Variants in RAB5IF observed in about 807,000 individuals in gnomAD.
RAB5IF encodes the protein GEL complex subunit OPTI.
RAB5IF carries 15 observed loss-of-function variants against 20.3 expected under a neutral mutation model. That is an observed-to-expected ratio of 0.74 (90% CI 0.50 to 1.14). RAB5IF has a LOEUF of 1.14. RAB5IF is among the 50% of genes most tolerant of loss of function. RAB5IF has a pLI of 0.00. For missense variants in RAB5IF, 148 were observed against 159.5 expected (o/e 0.93, Z 0.39); for synonymous variants, 67 against 63.7 (o/e 1.05, Z -0.25).
intron 3 of RAB5IF, 135 bp from the exon 4 acceptor site, chr20:36,611,875 C>T (rs1398982427): frequency 9.7e-6 from 11 of 1,136,208 alleles, no homozygotes; most frequent in Middle Eastern, 2.8e-4. Flanking sequence ...ATAATTTAGA[C>T]CCCCCAAGCA....
intron 2 of RAB5IF, among the ~76,000 whole-genome samples, chr20:36,609,139 G>C (rs930816611): frequency 1.5e-5 from 2 of 132,664 alleles, no homozygotes; most frequent in Non-Finnish European, 3.2e-5. Flanking sequence ...ACTTCAAGGG[G>C]CTTTGGAGAA....
chr20:36,607,601 T>G (rs1038223319), intron 1 of RAB5IF, 114 bp from the exon 2 acceptor site: 1 of 1,256,430 alleles, frequency 8.0e-7, no homozygotes, highest in Non-Finnish European at 1.1e-6. Flanking sequence ...CTGTTGCCTT[T>G]GGGGGGAAAC....
chr20:36,612,475 G>T lies in RAB5IF; in HGVS notation c.*424G>T. The T allele has an allele frequency of 1.8e-6, 1 of 548,934 alleles. No individual in the cohort carries two copies. Among genetic ancestry groups the T allele is most frequent in the East Asian group, 3.2e-5 (1 of 31,314 alleles). The allele number at this position is 548,934 out of a possible 1,614,324, so 34.0% of individuals were successfully genotyped here. A position where few individuals can be genotyped will look rare whatever the true frequency, so the allele number is the denominator to read the frequency against. The stretch of plus-strand genomic sequence containing the variant: ...CATGGCTGTATGTGCGTGGTCCATA[G>T]CACAGTACATGCAGCATCTAATAAG... On this transcript the variant is annotated 3_prime_UTR_variant, in exon 4 of 4. Coordinates refer to ENST00000344795, the MANE Select transcript of RAB5IF (RefSeq NM_018840.5).
chr20:36,612,553 G>T lies in RAB5IF; in HGVS notation c.*502G>T, dbSNP rs1039570243. On this transcript the variant is annotated 3_prime_UTR_variant, in exon 4 of 4. Coordinates refer to ENST00000344795, the MANE Select transcript of RAB5IF (RefSeq NM_018840.5). ...ACTTGAATAAATCAAATCTTTAATT[G>T]AGAACCTGTTGATGATACCTGATAA... 5.8e-6 allele frequency: 2 copies of T among 343,786 alleles called. No homozygotes were observed. The highest frequency in any genetic ancestry group is 4.2e-5 in the African/African-American group (2 of 47,498). The allele number at this position is 343,786 out of a possible 1,614,324, so 21.3% of individuals were successfully genotyped here.
chr20:36,605,911 C>A lies in RAB5IF; in HGVS notation c.-41C>A. On this transcript the variant is annotated 5_prime_UTR_variant, in exon 1 of 4. Coordinates refer to ENST00000344795, the MANE Select transcript of RAB5IF (RefSeq NM_018840.5). The stretch of plus-strand genomic sequence containing the variant: ...TAGACCCCGACTCCCTTTGGCTCAG[C>A]CCGCGCGCCCCAGGCCCGGCCCGGG... The A allele has an allele frequency of 7.7e-7, 1 of 1,296,680 alleles. No homozygotes were observed. Among genetic ancestry groups the A allele is most frequent in the Non-Finnish European group, 1.0e-6 (1 of 985,298 alleles). 80.3% of individuals were successfully genotyped at this position (1,296,680 alleles called of 1,614,324 possible).
intron 3 of RAB5IF, 75 bp downstream of exon 3, chr20:36,609,805 G>C: frequency 7.4e-6 from 12 of 1,613,358 alleles, no homozygotes; most frequent in Non-Finnish European, 9.3e-6. Context: ...GGACCCCACT[G>C]ATTGAGTTAC....
intron 2 of RAB5IF, among the ~76,000 whole-genome samples, chr20:36,609,162 C>CATACATAG (rs1354660617): frequency 8.9e-5 from 1 of 11,192 alleles, no homozygotes; most frequent in Admixed American, 1.0e-3. Context: ...ATATTACACA[C>CATACATAG]ACACACACAC....
At chr20:36,608,037 G>A (rs2038976423) in intron 2 of RAB5IF, 21 of 1,331,718 alleles carry the variant, frequency 1.6e-5, no homozygotes, top group East Asian at 3.3e-5. Flanking sequence ...CTGAAGGCTG[G>A]GCCAGTCCAT....
At chr20:36,609,193 A>ACACACACACACACACACACC (rs2039025478) in intron 2 of RAB5IF, among the ~76,000 whole-genome samples, 1 of 62,262 alleles carries the variant, frequency 1.6e-5, no homozygotes, top group Non-Finnish European at 3.1e-5. Context: ...ACACACACAC[A>ACACACACACACACACACACC]CGCACACACG....
At chr20:36,611,367 C>T (rs1191616757) in intron 3 of RAB5IF, among the ~76,000 whole-genome samples, 1 of 151,382 alleles carries the variant, frequency 6.6e-6, no homozygotes, top group African/African-American at 2.4e-5. Flanking sequence ...GAGGCTGAGA[C>T]AGGCAGACTG....
At chr20:36,606,163 C>G in intron 1 of RAB5IF, 98 bp downstream of exon 1, 1 of 755,962 alleles carries the variant, frequency 1.3e-6, no homozygotes, top group South Asian at 2.6e-5. Flanking sequence ...CGTTCCGGCA[C>G]AATCGAGTAG....
intron 2 of RAB5IF, chr20:36,608,307 C>T (rs2038982580): frequency 5.0e-6 from 1 of 200,742 alleles, no homozygotes; most frequent in African/African-American, 2.3e-5. Flanking sequence ...CACACTGGCA[C>T]CATCACAGCT....
intron 3 of RAB5IF, 158 bp downstream of exon 3, chr20:36,609,888 C>T: frequency 1.6e-6 from 2 of 1,269,798 alleles, no homozygotes; most frequent in Non-Finnish European, 2.2e-6. Flanking sequence ...GAGCCACATC[C>T]CAGAAGATGT....
intron 2 of RAB5IF, among the ~76,000 whole-genome samples, chr20:36,609,256 CTATAT>C (rs1207636166): frequency 8.2e-6 from 1 of 121,580 alleles, no homozygotes; most frequent in Non-Finnish European, 1.7e-5. Context: ...CACACACACA[CTATAT>C]ATAGAGTTTC....
Position 36,612,271 on chromosome 20 carries a change from C to T in RAB5IF, c.*220C>T, listed in dbSNP as rs769450047. 1.2e-5 allele frequency: 19 copies of T among 1,542,228 alleles called. No individual in the cohort carries two copies. Among genetic ancestry groups the T allele is most frequent in the Admixed American group, 3.4e-5 (2 of 59,558 alleles). On this transcript the variant is annotated 3_prime_UTR_variant, in exon 4 of 4. Coordinates refer to ENST00000344795, the MANE Select transcript of RAB5IF (RefSeq NM_018840.5). ...TTTGGGGAAGCATTTCTGAATTTAT[C>T]CATCACCAACCATTTCTTCTTGGAT...
Position 36,612,028 on chromosome 20 carries a change from T to A in RAB5IF, c.367T>A (p.Tyr123Asn), listed in dbSNP as rs1428643728. 4 of 1,614,098 alleles carry A rather than the reference T, an allele frequency of 2.5e-6. No homozygotes were observed. The highest frequency in any genetic ancestry group is 3.4e-6 in the Non-Finnish European group (4 of 1,180,054). The part of the protein sequence containing the change: ...ALFMVIWIIF[Y>N]TAIHYD ...TCACTAGGTCATTTGGATCATCTTTTACACTGCCATCCATTATGACTGATG... is the reference window on the plus strand; with the variant it reads ...TCACTAGGTCATTTGGATCATCTTTAACACTGCCATCCATTATGACTGATG... Residue 123 changes from tyrosine (Y) to asparagine (N), a missense_variant, in exon 4 of 4, where the codon TAC becomes AAC. Coordinates refer to ENST00000344795, the MANE Select transcript of RAB5IF (RefSeq NM_018840.5).
chr20:36,607,680 C>T, intron 1 of RAB5IF, 35 bp from the exon 2 acceptor site: 1 of 1,611,776 alleles, frequency 6.2e-7, no homozygotes, highest in South Asian at 1.1e-5. Flanking sequence ...GGCACCCACT[C>T]CAGATAATTC....
intron 3 of RAB5IF, among the ~76,000 whole-genome samples, chr20:36,611,124 G>A (rs536172379): frequency 1.3e-5 from 2 of 152,086 alleles, no homozygotes; most frequent in Admixed American, 1.3e-4. Context: ...CGAGTAGTTG[G>A]GACTACAGGT....
In RAB5IF at chr20:36,612,461, G is replaced by A. The variant is rs1600811585; in HGVS notation, c.*410G>A. Reference sequence around the variant, plus strand: ...GTCTTCTGAAACAGCATGGCTGTATGTGCGTGGTCCATAGCACAGTACATG... The same window carrying A: ...GTCTTCTGAAACAGCATGGCTGTATATGCGTGGTCCATAGCACAGTACATG... On this transcript the variant is annotated 3_prime_UTR_variant, in exon 4 of 4. Coordinates refer to ENST00000344795, the MANE Select transcript of RAB5IF (RefSeq NM_018840.5). The A allele has an allele frequency of 1.9e-5, 11 of 571,806 alleles. No homozygotes were observed. The East Asian group carries it at 3.3e-4, about 17-fold the overall frequency. 35.4% of individuals were successfully genotyped at this position (571,806 alleles called of 1,614,324 possible).
Sources: allele counts gnomAD v4.1 joint callset (sites outside exome capture counted in the v4.1 genomes callset), GRCh38; gene constraint gnomAD v4.1.1; transcripts MANE v1.5; gene names NCBI Gene and HGNC (gene_info 2026-07-23, HGNC 2026-07-21).